Variants in UBXN2A observed in about 807,000 individuals in gnomAD.
UBXN2A encodes the protein UBX domain protein 2A.
A neutral mutation model predicts 28.4 loss-of-function variants in UBXN2A; 28 were observed. The observed-to-expected ratio is 0.99, with a 90% CI of 0.73 to 1.35. The LOEUF (loss-of-function observed/expected upper bound fraction) is 1.35, where lower values mean the gene tolerates loss of function less well. UBXN2A is among the 40% of genes most tolerant of loss of function. The pLI is 0.00. For missense variants in UBXN2A, 253 were observed against 297.9 expected (o/e 0.85, Z 1.11); for synonymous variants, 97 against 103.6 (o/e 0.94, Z 0.39).
intron 1 of UBXN2A, among the ~76,000 whole-genome samples, chr2:23,951,239 C>G (rs1376408022): frequency 1.3e-5 from 2 of 151,654 alleles, no homozygotes; most frequent in African/African-American, 4.8e-5. Flanking sequence ...GAAAAACAAA[C>G]AGCCCCACCA....
At chr2:23,991,393 ATAT>A (rs1179315146) in intron 6 of UBXN2A, among the ~76,000 whole-genome samples, 1 of 150,730 alleles carries the variant, frequency 6.6e-6, no homozygotes, top group East Asian at 1.9e-4. Context: ...ATGTGATTTT[ATAT>A]TTTATTTTAT....
exon 1 of UBXN2A, chr2:23,927,391 T>A (rs916323472): frequency 6.5e-6 from 1 of 153,088 alleles, no homozygotes; most frequent in East Asian, 1.9e-4. Context: ...CAGGCCTGAA[T>A]GCCCCAGACC....
chr2:23,966,718 TA>T (rs1225490470), intron 2 of UBXN2A, among the ~76,000 whole-genome samples: 2 of 150,136 alleles, frequency 1.3e-5, no homozygotes, highest in Non-Finnish European at 3.0e-5. Context: ...CCCAAAGTGC[TA>T]GGATTACAGG....
At chr2:23,951,529 T>C (rs115627274) in intron 1 of UBXN2A, among the ~76,000 whole-genome samples, 3,234 of 149,754 alleles carry the variant, frequency 0.022, 127 homozygotes, top group African/African-American at 0.076. Context: ...GGTGCGAGCT[T>C]GGCTCACCAG....
intron 3 of UBXN2A, among the ~76,000 whole-genome samples, chr2:23,972,835 AAATT>A (rs1213558209): frequency 1.3e-5 from 2 of 152,058 alleles, no homozygotes; most frequent in Admixed American, 6.6e-5. Context: ...ATAAATAAAT[AAATT>A]AATTAATTAA....
upstream of UBXN2A, chr2:23,939,725 G>C (rs1023013118): frequency 1.3e-5 from 2 of 152,410 alleles, no homozygotes; most frequent in Admixed American, 6.5e-5. Flanking sequence ...GAGGGTCTGG[G>C]CCTGACCTTG....
At chr2:23,973,936 G>A (rs1374934549) in intron 3 of UBXN2A, among the ~76,000 whole-genome samples, 2 of 147,416 alleles carry the variant, frequency 1.4e-5, no homozygotes, top group Non-Finnish European at 3.0e-5. Flanking sequence ...GGCCCTGCCT[G>A]GTAGATATTT....
intron 6 of UBXN2A, among the ~76,000 whole-genome samples, chr2:23,995,709 AG>A (rs1052577144): frequency 7.3e-5 from 11 of 151,458 alleles, no homozygotes; most frequent in East Asian, 3.9e-4. Flanking sequence ...AAAAAAGAAA[AG>A]AAAAAAAAAA....
intron 2 of UBXN2A, among the ~76,000 whole-genome samples, chr2:23,967,164 CAT>C (rs775048795): frequency 2.6e-4 from 40 of 152,240 alleles, no homozygotes; most frequent in African/African-American, 7.7e-4. Context: ...CTCTTATAAA[CAT>C]AGACCGTTTC....
At chr2:23,972,843 T>A (rs895620147) in intron 3 of UBXN2A, among the ~76,000 whole-genome samples, 7 of 152,118 alleles carry the variant, frequency 4.6e-5, no homozygotes, top group South Asian at 2.1e-4. Context: ...ATAAATTAAT[T>A]AATTAATTTT....
At chr2:23,987,695 G>A (rs548031194) in intron 6 of UBXN2A, among the ~76,000 whole-genome samples, 8 of 150,568 alleles carry the variant, frequency 5.3e-5, no homozygotes, top group African/African-American at 2.0e-4. Context: ...GGAGAATGGC[G>A]TGAACCTGGG....
intron 4 of UBXN2A, among the ~76,000 whole-genome samples, chr2:23,978,365 C>T (rs1001706072): frequency 5.3e-5 from 8 of 152,242 alleles, no homozygotes; most frequent in South Asian, 2.1e-4. Flanking sequence ...AAGAATCTGC[C>T]GGGCACAGTG....
chr2:23,958,845 C>G (rs1238700121), intron 2 of UBXN2A, among the ~76,000 whole-genome samples: 3 of 151,764 alleles, frequency 2.0e-5, no homozygotes, highest in African/African-American at 7.3e-5. Context: ...ATCTTTTTTT[C>G]TTTTTCTTTT....
chr2:23,989,224 C>A (rs1357166890), intron 6 of UBXN2A, among the ~76,000 whole-genome samples: 1 of 151,568 alleles, frequency 6.6e-6, no homozygotes, highest in African/African-American at 2.4e-5. Flanking sequence ...AAGACACACA[C>A]AAAAAACCTA....
intron 1 of UBXN2A, among the ~76,000 whole-genome samples, chr2:23,927,865 A>G (rs1051090227): frequency 3.3e-5 from 5 of 152,156 alleles, no homozygotes; most frequent in African/African-American, 1.2e-4. Context: ...AAATTAAGCC[A>G]CACAATTCAT....
At chr2:23,964,042 G>C (rs1158004495) in intron 2 of UBXN2A, among the ~76,000 whole-genome samples, 1 of 151,882 alleles carries the variant, frequency 6.6e-6, no homozygotes, top group Non-Finnish European at 1.5e-5. Context: ...TGAGACAGGA[G>C]GATCGTTTGA....
chr2:23,978,679 T>G (rs1707773233), intron 4 of UBXN2A, among the ~76,000 whole-genome samples: 1 of 147,806 alleles, frequency 6.8e-6, no homozygotes, highest in African/African-American at 2.5e-5. Context: ...GAAAAAAAAT[T>G]GTAGCTGGGC....
chr2:23,955,819 ATGT>A (rs1309746022), intron 1 of UBXN2A, among the ~76,000 whole-genome samples: 12 of 152,220 alleles, frequency 7.9e-5, no homozygotes, highest in African/African-American at 2.7e-4. Flanking sequence ...ATTGACCAAA[ATGT>A]TGTTACACAG....
intron 2 of UBXN2A, among the ~76,000 whole-genome samples, chr2:23,964,726 T>C (rs904934113): frequency 6.6e-6 from 1 of 152,182 alleles, no homozygotes; most frequent in African/African-American, 2.4e-5. Flanking sequence ...CACTTAAAAA[T>C]ATGTTAAGAG....
Sources: gnomAD v4.1 joint callset for allele counts (sites outside exome capture counted in the v4.1 genomes callset) on GRCh38, gnomAD v4.1.1 for gene constraint, MANE v1.5 for transcripts, NCBI Gene and HGNC (gene_info 2026-07-23, HGNC 2026-07-21) for gene names.